Variants in DCAF8L2 observed in about 807,000 individuals in gnomAD.
DCAF8L2 encodes the protein DDB1 and CUL4 associated factor 8 like 2.
For synonymous variants in DCAF8L2, 200 were observed against 190.9 expected, an observed-to-expected ratio of 1.05 and a Z score of -0.39; for missense variants, 430 against 490.7, an observed-to-expected ratio of 0.88 and a Z score of 1.17.
chrX:27,492,654 TA>T, the DCAF8L2 span, among the ~76,000 whole-genome samples: 1 of 77,080 alleles, frequency 1.3e-5, no homozygotes, highest in Non-Finnish European at 3.0e-5. Flanking sequence ...TAATTTTTTC[TA>T]TTTTTAGTAG....
chrX:27,497,714 G>A, the DCAF8L2 span, among the ~76,000 whole-genome samples: 6 of 110,717 alleles, frequency 5.4e-5, no homozygotes, highest in African/African-American at 1.7e-4. Context: ...GACTACAGGC[G>A]CGCACCACCG....
the DCAF8L2 span, among the ~76,000 whole-genome samples, chrX:27,564,235 C>A: frequency 9.0e-6 from 1 of 110,666 alleles, no homozygotes; most frequent in Non-Finnish European, 1.9e-5. Flanking sequence ...ATGAAACCTT[C>A]AGATCTCGTG....
chrX:27,711,428 A>AT (rs1931530931), intron 3 of DCAF8L2, among the ~76,000 whole-genome samples: 2 of 104,951 alleles, frequency 1.9e-5, no homozygotes, highest in African/African-American at 7.0e-5. Context: ...TGTGTGTATT[A>AT]TATATATATA....
In DCAF8L2 at chrX:27,748,425, G is replaced by C; in HGVS notation, c.1530G>C (p.Gly510=). The change falls in exon 5 of 5, where the codon GGG becomes GGC. Residue 510 remains glycine (G), a synonymous_variant. Coordinates refer to ENST00000451261, the MANE Select transcript of DCAF8L2 (RefSeq NM_001353450.2). Reference sequence around the variant, plus strand: ...GCCAAATCATCCAGTTCCTAAAGGGGAGCAGAGAAGGTACAATAAACTGTC... The same window carrying C: ...GCCAAATCATCCAGTTCCTAAAGGGCAGCAGAGAAGGTACAATAAACTGTC... ...SSCQIIQFLK[G]SREGTINCLE... is the part of the protein sequence containing the mutation. 1 of 1,204,418 alleles carries C rather than the reference G, an allele frequency of 8.3e-7. No individual in the cohort carries two copies. The highest frequency in any genetic ancestry group is 1.1e-6 in the Non-Finnish European group (1 of 891,315).
chrX:27,672,865 A>C (rs1484420544), intron 2 of DCAF8L2, among the ~76,000 whole-genome samples: 1 of 112,105 alleles, frequency 8.9e-6, no homozygotes, highest in African/African-American at 3.2e-5. Flanking sequence ...GAGTGATAAG[A>C]AAAAAATGTC....
the DCAF8L2 span, among the ~76,000 whole-genome samples, chrX:27,497,598 T>G: frequency 1.4e-4 from 14 of 102,994 alleles, no homozygotes; most frequent in African/African-American, 5.3e-4. Context: ...CAATGAAGTC[T>G]CACTCTGTCG....
At position 27,657,455 on chromosome X, in the gene DCAF8L2, G is replaced by A. The variant is rs182745734; in HGVS notation, c.-219-20381G>A. ...TGTCTAGTATCACCCTACCAGCAAG[G>A]GATAAAACAATGATTGACACCTAAA... On this transcript the variant is annotated intron_variant, in intron 2 of 4. Coordinates refer to ENST00000451261, the MANE Select transcript of DCAF8L2 (RefSeq NM_001353450.2). Among the ~76,000 whole-genome samples, 170 of 110,862 alleles carry A rather than the reference G, an allele frequency of 1.5e-3. 1 individual carries two copies. The highest frequency in any genetic ancestry group is 2.8e-3 in the Non-Finnish European group (150 of 52,878).
At chrX:27,497,557 T>C in the DCAF8L2 span, among the ~76,000 whole-genome samples, 8,595 of 33,661 alleles carry the variant, frequency 0.26, 742 homozygotes, top group East Asian at 0.44. Context: ...TCCTTCTTTC[T>C]TTCTTTCTTT....
intron 4 of DCAF8L2, among the ~76,000 whole-genome samples, chrX:27,721,359 G>A (rs746226854): frequency 9.0e-6 from 1 of 111,705 alleles, no homozygotes; most frequent in East Asian, 2.8e-4. Flanking sequence ...GATACATAAT[G>A]TTTAAACAAA....
the DCAF8L2 span, chrX:27,519,378 C>G: frequency 8.7e-7 from 1 of 1,154,972 alleles, no homozygotes; most frequent in Non-Finnish European, 1.2e-6. Context: ...AACAAGCTGC[C>G]GACCAGATGA....
upstream of DCAF8L2, among the ~76,000 whole-genome samples, chrX:27,587,989 T>A (rs2380226): frequency 0.015 from 159 of 10,584 alleles, 3 homozygotes; most frequent in Middle Eastern, 0.081. Flanking sequence ...AAAAAAAATA[T>A]ATATATATAT....
chrX:27,541,876 T>C, the DCAF8L2 span, among the ~76,000 whole-genome samples: 1 of 111,009 alleles, frequency 9.0e-6, no homozygotes, highest in African/African-American at 3.3e-5. Context: ...CCAATATCTG[T>C]TTTTCTCATC....
At chrX:27,477,717 AC>A in the DCAF8L2 span, among the ~76,000 whole-genome samples, 3 of 111,208 alleles carry the variant, frequency 2.7e-5, no homozygotes, top group Non-Finnish European at 5.7e-5. Flanking sequence ...TTGCCATCAA[AC>A]CCTGCATCTA....
chrX:27,472,521 A>G, the DCAF8L2 span, among the ~76,000 whole-genome samples: 1 of 111,044 alleles, frequency 9.0e-6, no homozygotes, highest in Admixed American at 9.6e-5. Context: ...TGCATTAGGT[A>G]TTTGTCCTGA....
the DCAF8L2 span, among the ~76,000 whole-genome samples, chrX:27,484,652 T>C: frequency 9.0e-6 from 1 of 111,640 alleles, no homozygotes; most frequent in African/African-American, 3.2e-5. Context: ...TCATAAAACA[T>C]TATTTTCAAA....
At chrX:27,519,860 G>T in the DCAF8L2 span, 1 of 313,432 alleles carries the variant, frequency 3.2e-6, no homozygotes, top group Non-Finnish European at 5.5e-6. Context: ...AAGGATGTGT[G>T]AATAAATTTT....
intron 3 of DCAF8L2, among the ~76,000 whole-genome samples, chrX:27,710,505 C>T (rs1931490091): frequency 9.0e-6 from 1 of 111,235 alleles, no homozygotes; most frequent in Admixed American, 9.6e-5. Context: ...TCTTTCGTGT[C>T]TTTTGTTAAA....
chrX:27,569,374 A>G, the DCAF8L2 span, among the ~76,000 whole-genome samples: 1 of 112,283 alleles, frequency 8.9e-6, no homozygotes, highest in Admixed American at 9.4e-5. Context: ...TAACAAAGTG[A>G]TAACTTGAAT....
chrX:27,534,019 G>A, the DCAF8L2 span, among the ~76,000 whole-genome samples: 1 of 110,092 alleles, frequency 9.1e-6, no homozygotes, highest in Admixed American at 9.7e-5. Context: ...TACCACCCTG[G>A]GCAACATGGC....
Sources: gnomAD v4.1 joint callset for allele counts (sites outside exome capture counted in the v4.1 genomes callset) on GRCh38, gnomAD v4.1.1 for gene constraint, MANE v1.5 for transcripts, NCBI Gene and HGNC (gene_info 2026-07-23, HGNC 2026-07-21) for gene names.